PAG1: variants seen among roughly 807,000 people sequenced by gnomAD.
PAG1 encodes phosphoprotein associated with glycosphingolipid-enriched microdomains 1.
In PAG1, 23 loss-of-function variants were observed where a neutral mutation model predicts 31.7. That is an observed-to-expected ratio of 0.73 (90% CI 0.52 to 1.03). The LOEUF is 1.03. Among genes scored for constraint, PAG1 ranks in the 50% least tolerant of loss-of-function variants. PAG1 has a pLI of 0.00. For synonymous variants in PAG1, 214 were observed against 210.3 expected (o/e 1.02, Z -0.15); for missense variants, 473 against 540.7 (o/e 0.87, Z 1.24).
In PAG1 at chr8:80,992,010, A is replaced by C. The variant is rs1455023961; in HGVS notation, c.126-480T>G. On this transcript the variant is annotated intron_variant, in intron 4 of 8. Transcript: ENST00000220597. ...TCATATGTACTTCCAGTCTATGGGA[A>C]AGTCTGTCAAGTAAAAATAGAATTT... Among the ~76,000 whole-genome samples the C allele has an allele frequency of 5.9e-5, 9 of 152,264 alleles. No homozygotes were observed. In the South Asian group the frequency reaches 1.5e-3, roughly 25 times the overall value.
chr8:80,987,474 C>T lies in PAG1; in HGVS notation c.178-8G>A, dbSNP rs915036951. ...CATCTCCTTGTCTGAAGGCTGAAAA[C>T]AAAAACAAAAACAAAAACAAATGCA... On this transcript the variant is annotated splice_polypyrimidine_tract_variant and splice_region_variant and intron_variant, in intron 5 of 8. Coordinates refer to ENST00000220597, the MANE Select transcript of PAG1 (RefSeq NM_018440.4). 2 of 1,536,098 alleles carry T rather than the reference C, an allele frequency of 1.3e-6. No individual in the cohort carries two copies. Among genetic ancestry groups the T allele is most frequent in the Non-Finnish European group, 1.8e-6 (2 of 1,109,786 alleles).
chr8:81,097,707 C>T (rs1310048204), intron 1 of PAG1, among the ~76,000 whole-genome samples: 1 of 104,640 alleles, frequency 9.6e-6, no homozygotes, highest in Non-Finnish European at 1.9e-5. Context: ...CAATTAAGAA[C>T]TTTAAAAAAA....
chr8:81,021,351 A>G (rs1808166337), intron 3 of PAG1, among the ~76,000 whole-genome samples: 1 of 151,910 alleles, frequency 6.6e-6, no homozygotes, highest in Non-Finnish European at 1.5e-5. Context: ...TCAGCATGGT[A>G]CATGTGTTAC....
intron 1 of PAG1, among the ~76,000 whole-genome samples, chr8:81,081,307 T>C (rs1809262919): frequency 6.6e-6 from 1 of 152,086 alleles, no homozygotes; most frequent in Admixed American, 6.6e-5. Flanking sequence ...TAGCATTGTG[T>C]TTTCAAATTG....
intron 2 of PAG1, among the ~76,000 whole-genome samples, chr8:81,040,002 C>T (rs1808527748): frequency 6.6e-6 from 1 of 151,914 alleles, no homozygotes; most frequent in Non-Finnish European, 1.5e-5. Context: ...ACCAAAATTC[C>T]TAGGGAATTT....
Position 80,980,487 on chromosome 8 carries a change from C to T in PAG1, c.884G>A (p.Ser295Asn). Residue 295 changes from serine (S) to asparagine (N), a missense_variant, in exon 8 of 9, where the codon AGC becomes AAC. Ser to Asn is a conservative substitution (Grantham distance 46). Coordinates refer to ENST00000220597, the MANE Select transcript of PAG1 (RefSeq NM_018440.4). ...TTCCCGAGACTTGTATGACAATGAG[C>T]TAAATCTCTGTCAGAACAAACACAA... ...DTTSETNKRF[S>N]SLSYKSREED... The T allele has an allele frequency of 6.3e-7, 1 of 1,599,548 alleles. No homozygotes were observed. Among genetic ancestry groups the T allele is most frequent in the South Asian group, 1.1e-5 (1 of 90,774 alleles).
intron 3 of PAG1, among the ~76,000 whole-genome samples, chr8:81,006,586 A>G (rs28533963): frequency 4.5e-4 from 69 of 152,330 alleles, no homozygotes; most frequent in African/African-American, 1.6e-3. Context: ...CATGGAGCCA[A>G]TGGGATTACA....
At chr8:81,007,610 C>G (rs1390872084) in intron 3 of PAG1, among the ~76,000 whole-genome samples, 7 of 115,550 alleles carry the variant, frequency 6.1e-5, no homozygotes, top group African/African-American at 2.3e-4. Flanking sequence ...GCATCCCAGC[C>G]TGGGTGACAG....
intron 1 of PAG1, among the ~76,000 whole-genome samples, chr8:81,075,120 A>G (rs962016333): frequency 4.6e-5 from 7 of 152,248 alleles, no homozygotes; most frequent in South Asian, 2.1e-4. Context: ...CCAGATACTT[A>G]GTGTCCTCAA....
chr8:80,977,767 C>G (rs531538063), intron 8 of PAG1, among the ~76,000 whole-genome samples: 1 of 152,316 alleles, frequency 6.6e-6, no homozygotes, highest in East Asian at 1.9e-4. Flanking sequence ...CCTGTATCAC[C>G]TCCGATATCA....
At chr8:81,038,150 G>A (rs545244364) in intron 2 of PAG1, among the ~76,000 whole-genome samples, 1 of 152,358 alleles carries the variant, frequency 6.6e-6, no homozygotes, top group South Asian at 2.1e-4. Flanking sequence ...CAGAAGTTGT[G>A]TGAATGGGTA....
intron 6 of PAG1, among the ~76,000 whole-genome samples, chr8:80,986,365 A>C (rs533163598): frequency 6.6e-6 from 1 of 152,260 alleles, no homozygotes; most frequent in South Asian, 2.1e-4. Flanking sequence ...ATTACCCCAC[A>C]GTTTCCTCAT....
intron 3 of PAG1, among the ~76,000 whole-genome samples, chr8:81,021,152 G>C (rs1172943256): frequency 6.6e-6 from 1 of 152,148 alleles, no homozygotes; most frequent in Non-Finnish European, 1.5e-5. Flanking sequence ...CCAAATACTT[G>C]GATTTTGCCA....
chr8:81,057,379 A>G (rs545212970), intron 2 of PAG1, among the ~76,000 whole-genome samples: 1 of 152,272 alleles, frequency 6.6e-6, no homozygotes, highest in South Asian at 2.1e-4. Context: ...ACCACGGAAT[A>G]CTATGCAGCC....
chr8:81,033,333 T>C (rs918145009), intron 2 of PAG1, among the ~76,000 whole-genome samples: 1 of 152,208 alleles, frequency 6.6e-6, no homozygotes, highest in Non-Finnish European at 1.5e-5. Context: ...AACTTGAGTA[T>C]AATTCTGATA....
intron 3 of PAG1, among the ~76,000 whole-genome samples, chr8:80,995,492 A>G (rs1807654944): frequency 6.6e-6 from 1 of 152,274 alleles, no homozygotes; most frequent in Non-Finnish European, 1.5e-5. Flanking sequence ...AATTGGCACC[A>G]CAATAGGTTT....
At chr8:81,086,974 T>C (rs1809368747) in intron 1 of PAG1, among the ~76,000 whole-genome samples, 1 of 151,370 alleles carries the variant, frequency 6.6e-6, no homozygotes, top group Non-Finnish European at 1.5e-5. Flanking sequence ...CTAAGGTATA[T>C]ATCTGAGAGC....
chr8:81,089,745 A>G (rs1809416722), intron 1 of PAG1, among the ~76,000 whole-genome samples: 1 of 152,204 alleles, frequency 6.6e-6, no homozygotes, highest in Non-Finnish European at 1.5e-5. Context: ...CAGCTACATT[A>G]CAAACATCCT....
chr8:81,061,306 C>T (rs950655005), intron 2 of PAG1, among the ~76,000 whole-genome samples: 7 of 152,174 alleles, frequency 4.6e-5, no homozygotes, highest in African/African-American at 1.7e-4. Flanking sequence ...AGGGTTAACA[C>T]CAGCATAGGA....
Sources: gnomAD v4.1 joint callset for allele counts (sites outside exome capture counted in the v4.1 genomes callset) on GRCh38, gnomAD v4.1.1 for gene constraint, MANE v1.5 for transcripts, NCBI Gene and HGNC (gene_info 2026-07-23, HGNC 2026-07-21) for gene names.